The following FBXO28 variants were observed in gnomAD, a reference collection of about 807,000 sequenced individuals.
The protein encoded by FBXO28 is F-box only protein 28.
Under a neutral mutation model 38.1 loss-of-function variants are expected in FBXO28, and 8 were observed. The observed-to-expected ratio is 0.21, with a 90% CI of 0.12 to 0.38. The LOEUF is 0.38. FBXO28 is among the 10% of genes least tolerant of loss of function. The pLI is 1.00. For missense variants in FBXO28, 345 were observed against 460.6 expected (o/e 0.75, Z 2.30); for synonymous variants, 168 against 173.8 (o/e 0.97, Z 0.26).
chr1:224,125,570 G>A (rs2102613266), intron 1 of FBXO28, among the ~76,000 whole-genome samples: 1 of 151,934 alleles, frequency 6.6e-6, no homozygotes, highest in South Asian at 2.1e-4. Context: ...TTCAAAAGAT[G>A]GGTGGTCTTT....
chr1:224,132,080 C>T (rs1029096493), intron 2 of FBXO28, among the ~76,000 whole-genome samples: 1 of 152,056 alleles, frequency 6.6e-6, no homozygotes, highest in Non-Finnish European at 1.5e-5. Flanking sequence ...TAGTAAAACC[C>T]TGTCTCTACT....
chr1:224,117,993 A>AT (rs1488673180), intron 1 of FBXO28, among the ~76,000 whole-genome samples: 1,834 of 77,952 alleles, frequency 0.024, 41 homozygotes, highest in African/African-American at 0.068. Flanking sequence ...TTTTTAATTA[A>AT]TTAATTAATT....
intron 3 of FBXO28, among the ~76,000 whole-genome samples, chr1:224,139,035 A>G (rs144259720): frequency 0.011 from 1,662 of 151,770 alleles, 15 homozygotes; most frequent in Non-Finnish European, 0.018. Flanking sequence ...CGCCCACCTT[A>G]GCCTCCCAAA....
chr1:224,135,611 CAAAAA>C (rs71168313), intron 3 of FBXO28, among the ~76,000 whole-genome samples: 24 of 110,758 alleles, frequency 2.2e-4, no homozygotes, highest in South Asian at 2.9e-4. Context: ...GACTCTGTCT[CAAAAA>C]AAAAAAAAAA....
chr1:224,123,798 T>A (rs1181888020), intron 1 of FBXO28, among the ~76,000 whole-genome samples: 1 of 152,132 alleles, frequency 6.6e-6, no homozygotes, highest in Non-Finnish European at 1.5e-5. Flanking sequence ...TAAATAAAAA[T>A]TTTTGTAAAA....
At chr1:224,137,844 A>G (rs73124468) in intron 3 of FBXO28, among the ~76,000 whole-genome samples, 9,343 of 151,840 alleles carry the variant, frequency 0.062, 1,079 homozygotes, top group African/African-American at 0.21. Context: ...CAGGCAAGCT[A>G]GATCATTGCC....
chr1:224,117,165 ATTTT>A (rs71168310), intron 1 of FBXO28, among the ~76,000 whole-genome samples: 2 of 122,192 alleles, frequency 1.6e-5, no homozygotes, highest in African/African-American at 3.3e-5. Context: ...AATAAATTGG[ATTTT>A]TTTTTTTTTT....
At chr1:224,132,876 A>G (rs1051181658) in intron 2 of FBXO28, among the ~76,000 whole-genome samples, 1 of 152,124 alleles carries the variant, frequency 6.6e-6, no homozygotes, top group South Asian at 2.1e-4. Flanking sequence ...TGAGCCACCA[A>G]TTTCATTCCT....
At chr1:224,129,525 T>G (rs1293209890) in intron 1 of FBXO28, among the ~76,000 whole-genome samples, 1 of 152,206 alleles carries the variant, frequency 6.6e-6, no homozygotes, top group Non-Finnish European at 1.5e-5. Flanking sequence ...GAATTTTTTT[T>G]GTTTCAAACT....
intron 3 of FBXO28, among the ~76,000 whole-genome samples, chr1:224,136,076 T>C (rs1657175444): frequency 7.5e-6 from 1 of 133,990 alleles, no homozygotes. Context: ...GTCCTGTCAT[T>C]TTTGGAAACC....
At chr1:224,157,255 G>A in intron 4 of FBXO28, 97 bp from the exon 5 acceptor site, 1 of 1,397,982 alleles carries the variant, frequency 7.2e-7, no homozygotes, top group South Asian at 1.5e-5. Flanking sequence ...ATTATCAGAA[G>A]TGACATAGTA....
intron 3 of FBXO28, among the ~76,000 whole-genome samples, chr1:224,142,575 G>A (rs1224444055): frequency 6.6e-6 from 1 of 152,122 alleles, no homozygotes; most frequent in Non-Finnish European, 1.5e-5. Flanking sequence ...CAGCACTTTG[G>A]GAGGCTGAGG....
intron 3 of FBXO28, among the ~76,000 whole-genome samples, chr1:224,149,036 A>G (rs1396830905): frequency 2.6e-5 from 4 of 152,174 alleles, no homozygotes; most frequent in Non-Finnish European, 4.4e-5. Flanking sequence ...TCTTATGCCT[A>G]TACCATTACA....
chr1:224,158,248 A>G lies in FBXO28; in HGVS notation c.*502A>G. 1.0e-6 allele frequency: 1 copy of G among 985,306 alleles called. No individual in the cohort carries two copies. Among genetic ancestry groups the G allele is most frequent in the African/African-American group, 1.7e-5 (1 of 57,276 alleles). The allele number at this position is 985,306 out of a possible 1,614,324, so 61.0% of individuals were successfully genotyped here. ...TGAAAAGTAGTTAATGCTTTTTGGT[A>G]TTGAAGTAATGGGTAACTAAAATGG... On this transcript the variant is annotated 3_prime_UTR_variant, in exon 5 of 5. Transcript: ENST00000366862.
At chr1:224,124,221 AAAAAC>A (rs1482923157) in intron 1 of FBXO28, among the ~76,000 whole-genome samples, 1 of 152,238 alleles carries the variant, frequency 6.6e-6, no homozygotes, top group Non-Finnish European at 1.5e-5. Context: ...CAACAAATCT[AAAAAC>A]AAAGAAAATT....
intron 1 of FBXO28, among the ~76,000 whole-genome samples, chr1:224,121,618 G>A (rs1429459402): frequency 1.3e-5 from 2 of 151,992 alleles, no homozygotes; most frequent in African/African-American, 2.4e-5. Flanking sequence ...GCCTCTCTAG[G>A]TGTTGGGATT....
intron 1 of FBXO28, among the ~76,000 whole-genome samples, chr1:224,130,034 A>T (rs1657000184): frequency 6.6e-6 from 1 of 151,362 alleles, no homozygotes; most frequent in East Asian, 2.0e-4. Context: ...TCACCCACAG[A>T]TACTGAATCA....
chr1:224,149,108 A>G (rs73124493), intron 3 of FBXO28, among the ~76,000 whole-genome samples: 9,122 of 152,186 alleles, frequency 0.06, 848 homozygotes, highest in African/African-American at 0.2. Context: ...ATTTATAAAC[A>G]TATAATATCT....
intron 4 of FBXO28, among the ~76,000 whole-genome samples, chr1:224,154,664 T>A (rs1227642935): frequency 1.3e-5 from 2 of 151,828 alleles, no homozygotes; most frequent in African/African-American, 4.8e-5. Flanking sequence ...AAAAATTAGC[T>A]GGGCGCGGTG....
Sources: allele counts gnomAD v4.1 joint callset (sites outside exome capture counted in the v4.1 genomes callset), GRCh38; gene constraint gnomAD v4.1.1; transcripts MANE v1.5; gene names NCBI Gene and HGNC (gene_info 2026-07-23, HGNC 2026-07-21).